The following MARCHF1 variants were observed in gnomAD, a reference collection of about 807,000 sequenced individuals.
The protein encoded by MARCHF1 is membrane associated ring-CH-type finger 1, also known as E3 ubiquitin-protein ligase MARCHF1.
MARCHF1 carries 40 observed loss-of-function variants against 54.2 expected under a neutral mutation model. The ratio of observed to expected loss-of-function variants is 0.74; its 90% CI spans 0.57 to 0.96. The LOEUF (loss-of-function observed/expected upper bound fraction) is 0.96, where lower values mean the gene tolerates loss of function less well. MARCHF1 is among the 40% of genes least tolerant of loss of function. MARCHF1 has a pLI of 0.00. For missense variants in MARCHF1, 586 were observed against 656.5 expected (o/e 0.89, Z 1.17); for synonymous variants, 236 against 236.3 (o/e 1.00, Z 0.01).
chr4:164,307,969 G>C (rs59407572), intron 1 of MARCHF1, among the ~76,000 whole-genome samples: 4,699 of 152,146 alleles, frequency 0.031, 248 homozygotes, highest in African/African-American at 0.11. Context: ...TTTACCCCTT[G>C]AGCCTACTAA....
chr4:163,971,330 AC>A (rs1332065371), intron 3 of MARCHF1, among the ~76,000 whole-genome samples: 1 of 152,190 alleles, frequency 6.6e-6, no homozygotes. Flanking sequence ...GTAAATAAAA[AC>A]AGTAATTTTC....
intron 1 of MARCHF1, among the ~76,000 whole-genome samples, chr4:164,119,504 A>T (rs943487879): frequency 6.6e-6 from 1 of 151,606 alleles, no homozygotes; most frequent in Non-Finnish European, 1.5e-5. Context: ...AAAAGAAAGC[A>T]AAAGAAATAA....
In MARCHF1 at chr4:163,881,172, G is replaced by C. The variant is rs79913690; in HGVS notation, c.-38-27003C>G. ...AATTCAATTCACATTGTCAAGTACA[G>C]AGAATAAAATTATCCAACAAGGCCG... On this transcript the variant is annotated intron_variant, in intron 3 of 9. Coordinates refer to ENST00000514618, the MANE Select transcript of MARCHF1 (RefSeq NM_001394959.1). 6.6e-3 allele frequency among the ~76,000 whole-genome samples: 1,010 copies of C among 152,254 alleles called. 8 individuals carry two copies. The highest frequency in any genetic ancestry group is 0.023 in the East Asian group (120 of 5,170).
chr4:163,893,347 C>A (rs1445377786), intron 3 of MARCHF1, among the ~76,000 whole-genome samples: 1 of 152,094 alleles, frequency 6.6e-6, no homozygotes, highest in Admixed American at 6.5e-5. Flanking sequence ...CCATGTTGGC[C>A]AGAAGGGTCT....
At chr4:164,197,579 C>T (rs149660138) in intron 1 of MARCHF1, 245 of 1,613,132 alleles carry the variant, frequency 1.5e-4, no homozygotes, top group Non-Finnish European at 1.9e-4. Context: ...CTTAAGAATT[C>T]CAGTTCTTCA....
chr4:164,067,265 GAGGAGTCCAAAT>G (rs1198783079), intron 2 of MARCHF1, among the ~76,000 whole-genome samples: 83 of 152,220 alleles, frequency 5.5e-4, no homozygotes, highest in African/African-American at 2.0e-3. Context: ...TGGAACCAAA[GAGGAGTCCAAAT>G]AGCCAAAATA....
At chr4:164,060,071 A>T (rs1754582304) in intron 2 of MARCHF1, among the ~76,000 whole-genome samples, 1 of 152,156 alleles carries the variant, frequency 6.6e-6, no homozygotes, top group Non-Finnish European at 1.5e-5. Flanking sequence ...ACAAATCAGC[A>T]TATATTCAAA....
intron 1 of MARCHF1, among the ~76,000 whole-genome samples, chr4:164,358,002 G>T (rs1229305710): frequency 6.6e-6 from 1 of 152,100 alleles, no homozygotes; most frequent in African/African-American, 2.4e-5. Flanking sequence ...CATAAGAGAA[G>T]TAAAGGCTGT....
intron 1 of MARCHF1, among the ~76,000 whole-genome samples, chr4:164,146,804 G>A (rs368258859): frequency 9.2e-5 from 14 of 152,090 alleles, no homozygotes; most frequent in East Asian, 7.7e-4. Flanking sequence ...AATGGCAACA[G>A]AAGCCAAAAT....
intron 8 of MARCHF1, among the ~76,000 whole-genome samples, chr4:163,551,042 A>G (rs1361384196): frequency 6.6e-6 from 1 of 152,242 alleles, no homozygotes; most frequent in Non-Finnish European, 1.5e-5. Context: ...CGTGGAGTTT[A>G]TATCAGAAGT....
At chr4:164,082,484 A>C (rs1192885175) in intron 2 of MARCHF1, among the ~76,000 whole-genome samples, 1 of 152,232 alleles carries the variant, frequency 6.6e-6, no homozygotes, top group Non-Finnish European at 1.5e-5. Flanking sequence ...ACAATTTAGA[A>C]GATGCCAACT....
chr4:163,997,980 C>G (rs908317134), intron 2 of MARCHF1, among the ~76,000 whole-genome samples: 2 of 148,494 alleles, frequency 1.3e-5, no homozygotes, highest in Non-Finnish European at 3.0e-5. Context: ...TGCAAAATGT[C>G]TAAAAAAAGA....
chr4:164,260,868 G>A (rs1343392232), intron 1 of MARCHF1, among the ~76,000 whole-genome samples: 4 of 152,136 alleles, frequency 2.6e-5, no homozygotes, highest in Non-Finnish European at 5.9e-5. Context: ...AAAGACTAGA[G>A]CTATACCAAT....
At chr4:163,788,495 T>G (rs1747681007) in intron 4 of MARCHF1, among the ~76,000 whole-genome samples, 1 of 152,044 alleles carries the variant, frequency 6.6e-6, no homozygotes, top group Non-Finnish European at 1.5e-5. Flanking sequence ...TCTCCTCTGA[T>G]GTAGACAGAT....
chr4:163,556,639 A>G lies in MARCHF1; in HGVS notation c.1192-10896T>C, dbSNP rs1739300592. Among the ~76,000 whole-genome samples, 3 of 148,994 alleles carry G rather than the reference A, an allele frequency of 2.0e-5. No individual in the cohort carries two copies. In the South Asian group the frequency reaches 6.2e-4, roughly 31 times the overall value. ...TACGATTTATATATAAATAAAACAG[A>G]ATATATATTTGTACATATATTCTAC... On this transcript the variant is annotated intron_variant, in intron 8 of 9. Transcript: ENST00000514618.
chr4:163,727,490 G>A (rs568999090), intron 4 of MARCHF1, among the ~76,000 whole-genome samples: 67 of 151,752 alleles, frequency 4.4e-4, no homozygotes, highest in African/African-American at 1.5e-3. Context: ...TATTTTCAGT[G>A]GAGATGGGGT....
intron 1 of MARCHF1, among the ~76,000 whole-genome samples, chr4:164,215,061 G>C (rs1223359177): frequency 6.6e-6 from 1 of 152,138 alleles, no homozygotes; most frequent in Non-Finnish European, 1.5e-5. Flanking sequence ...GTCCGTAGTC[G>C]GCTTGTGTTC....
chr4:164,344,034 C>T (rs982284268), intron 1 of MARCHF1, among the ~76,000 whole-genome samples: 11 of 152,254 alleles, frequency 7.2e-5, no homozygotes, highest in East Asian at 3.9e-4. Context: ...TCATGGACTA[C>T]TATGCAGCCA....
intron 2 of MARCHF1, among the ~76,000 whole-genome samples, chr4:163,989,989 C>T (rs186969416): frequency 1.3e-4 from 20 of 152,224 alleles, no homozygotes; most frequent in African/African-American, 4.8e-4. Context: ...CTCTACCTGT[C>T]TTTGTATTAT....
Sources: gnomAD v4.1 joint callset for allele counts (sites outside exome capture counted in the v4.1 genomes callset) on GRCh38, gnomAD v4.1.1 for gene constraint, MANE v1.5 for transcripts, NCBI Gene and HGNC (gene_info 2026-07-23, HGNC 2026-07-21) for gene names.